ATP8B1: variants seen among roughly 807,000 people sequenced by gnomAD.
The protein encoded by ATP8B1 is ATPase phospholipid transporting 8B1.
Under a neutral mutation model 149.9 loss-of-function variants are expected in ATP8B1, and 80 were observed. That is an observed-to-expected ratio of 0.53 (90% CI 0.45 to 0.64). The LOEUF is 0.64. Among genes scored for constraint, ATP8B1 ranks in the 30% least tolerant of loss-of-function variants. The pLI is 0.00. For missense variants in ATP8B1, 1,247 were observed against 1,552.6 expected, an observed-to-expected ratio of 0.80 and a Z score of 3.31; for synonymous variants, 536 against 562.8, an observed-to-expected ratio of 0.95 and a Z score of 0.67.
intron 1 of ATP8B1, chr18:57,734,038 C>CA (rs1433390570): frequency 6.6e-6 from 1 of 152,100 alleles, no homozygotes; most frequent in Non-Finnish European, 1.5e-5. Flanking sequence ...TAATGTGCAA[C>CA]AATCTAGATG....
rs1324213730 is a variant in ATP8B1, at chr18:57,652,035, T to C, written c.3399A>G (p.Thr1133=). The C allele has an allele frequency of 6.2e-7, 1 of 1,613,300 alleles. No individual in the cohort carries two copies. Among genetic ancestry groups the C allele is most frequent in the Non-Finnish European group, 8.5e-7 (1 of 1,179,822 alleles). ...TTTTTGGAATTTGGAAATACCAACCTGTAAATTGAAATGCAGATGGAAAGA... is the reference window on the plus strand; with the variant it reads ...TTTTTGGAATTTGGAAATACCAACCCGTAAATTGAAATGCAGATGGAAAGA... ...HVLFPSAFQF[T]GTASNALRQP... is the part of the protein sequence containing the mutation. Residue 1133 remains threonine, a splice_region_variant and synonymous_variant, in exon 26 of 28, where the codon ACA becomes ACG. Coordinates refer to ENST00000648908, the MANE Select transcript of ATP8B1 (RefSeq NM_001374385.1).
rs1051696001 is a variant in ATP8B1, at chr18:57,647,666, C to T, written c.*822G>A. The T allele has an allele frequency of 3.9e-5, 6 of 152,530 alleles. No homozygotes were observed. Among genetic ancestry groups the T allele is most frequent in the African/African-American group, 1.2e-4 (5 of 41,390 alleles). The allele number at this position is 152,530 out of a possible 1,614,324, so 9.4% of individuals were successfully genotyped here. A position where few individuals can be genotyped will look rare whatever the true frequency, so the allele number is the denominator to read the frequency against. On this transcript the variant is annotated 3_prime_UTR_variant, in exon 28 of 28. Transcript: ENST00000648908. The stretch of plus-strand genomic sequence containing the variant: ...ACAACATGCTTTGTAATTCTATTGC[C>T]CTGGATTGAGACTGGATTAAAACGT...
chr18:57,689,362 A>G (rs1466291704), intron 12 of ATP8B1, among the ~76,000 whole-genome samples: 2 of 152,196 alleles, frequency 1.3e-5, no homozygotes, highest in Non-Finnish European at 2.9e-5. Flanking sequence ...TCCCTAAATT[A>G]TGATAAGGTT....
chr18:57,717,464 C>T (rs1176254112), intron 2 of ATP8B1, among the ~76,000 whole-genome samples: 3 of 132,880 alleles, frequency 2.3e-5, no homozygotes, highest in African/African-American at 8.4e-5. Flanking sequence ...AGGAGAATGG[C>T]ATGAACCCGG....
intron 1 of ATP8B1, among the ~76,000 whole-genome samples, chr18:57,775,605 C>A (rs540701079): frequency 6.6e-6 from 1 of 150,504 alleles, no homozygotes; most frequent in South Asian, 2.1e-4. Context: ...GAGATTCTGT[C>A]AGGATTCTGT....
At chr18:57,698,110 T>C (rs1348680367) in intron 6 of ATP8B1, among the ~76,000 whole-genome samples, 1 of 152,146 alleles carries the variant, frequency 6.6e-6, no homozygotes, top group African/African-American at 2.4e-5. Flanking sequence ...AGGAAGAGTT[T>C]ATGGGGGCCA....
At position 57,648,454 on chromosome 18, in the gene ATP8B1, C is replaced by G. The variant is rs961451242; in HGVS notation, c.*34G>C. On this transcript the variant is annotated 3_prime_UTR_variant, in exon 28 of 28. Coordinates refer to ENST00000648908, the MANE Select transcript of ATP8B1 (RefSeq NM_001374385.1). ...AGTCTTTCATAAAAAAATAGACGTG[C>G]TTTGTGGCCGCATCCCAGCCTGGGG... 1 of 1,607,572 alleles carries G rather than the reference C, an allele frequency of 6.2e-7. No individual in the cohort carries two copies. Among genetic ancestry groups the G allele is most frequent in the Middle Eastern group, 2.3e-4 (1 of 4,428 alleles).
At chr18:57,674,664 G>A (rs182034570) in intron 16 of ATP8B1, among the ~76,000 whole-genome samples, 170 bp downstream of exon 16, 68 of 152,160 alleles carry the variant, frequency 4.5e-4, no homozygotes, top group Non-Finnish European at 9.3e-4. Flanking sequence ...GGGATTACAG[G>A]CGTGAGCCAC....
intron 1 of ATP8B1, among the ~76,000 whole-genome samples, chr18:57,756,224 C>T (rs1199497512): frequency 1.4e-4 from 15 of 109,548 alleles, no homozygotes; most frequent in African/African-American, 3.6e-4. Flanking sequence ...CACACACACA[C>T]ACACACACAC....
At chr18:57,753,541 G>A (rs2080043433) in intron 1 of ATP8B1, among the ~76,000 whole-genome samples, 1 of 152,190 alleles carries the variant, frequency 6.6e-6, no homozygotes, top group African/African-American at 2.4e-5. Flanking sequence ...GGCTCTGAAG[G>A]GAACACATGC....
At chr18:57,661,105 C>T in intron 22 of ATP8B1, 69 bp downstream of exon 22, 1 of 1,577,382 alleles carries the variant, frequency 6.3e-7, no homozygotes, top group South Asian at 1.1e-5. Flanking sequence ...AAAATCCACC[C>T]CCTACACATT....
At chr18:57,650,549 T>C (rs1909543610) in intron 26 of ATP8B1, 52 bp from the exon 27 acceptor site, 2 of 1,594,312 alleles carry the variant, frequency 1.3e-6, no homozygotes, top group Non-Finnish European at 1.7e-6. Flanking sequence ...CCTAAGAACA[T>C]AGTTAATATT....
intron 2 of ATP8B1, among the ~76,000 whole-genome samples, chr18:57,713,463 A>T (rs892004854): frequency 9.5e-5 from 14 of 147,814 alleles, no homozygotes; most frequent in African/African-American, 3.6e-4. Flanking sequence ...TGCCCAGCTA[A>T]TTTTTAAAAA....
At chr18:57,732,331 GTGTGTATATATA>G (rs1555651506) in intron 1 of ATP8B1, among the ~76,000 whole-genome samples, 8 of 12,782 alleles carry the variant, frequency 6.3e-4, no homozygotes, top group East Asian at 0.011. Flanking sequence ...GTGTATATAT[GTGTGTATATATA>G]TGTATATATG....
At position 57,773,827 on chromosome 18, in the gene ATP8B1, C is replaced by A. The variant is rs2571228; in HGVS notation, c.-26+29171G>T. On this transcript the variant is annotated intron_variant, in intron 1 of 27. Coordinates refer to ENST00000648908, the MANE Select transcript of ATP8B1 (RefSeq NM_001374385.1). ...CCTAGGCTCTGCCTTCCAAATGTTT[C>A]CAGAACCTAAAACCTCTCCTCACCT... is the stretch of plus-strand genomic sequence containing the variant. 9.8e-3 allele frequency among the ~76,000 whole-genome samples: 1,488 copies of A among 152,216 alleles called. 24 individuals carry two copies. The highest frequency in any genetic ancestry group is 0.034 in the African/African-American group (1,423 of 41,532).
intron 1 of ATP8B1, among the ~76,000 whole-genome samples, chr18:57,797,713 T>TTC (rs1568076517): frequency 1.4e-5 from 2 of 141,846 alleles, no homozygotes; most frequent in East Asian, 4.0e-4. Context: ...CTTTTTTTTT[T>TTC]TTTTTTTTTT....
At chr18:57,650,769 G>A (rs1180208548) in intron 26 of ATP8B1, among the ~76,000 whole-genome samples, 2 of 152,066 alleles carry the variant, frequency 1.3e-5, no homozygotes, top group African/African-American at 2.4e-5. Flanking sequence ...CCCGGAAGGC[G>A]GAAGTTGCAG....
chr18:57,749,802 C>G (rs1351588278), intron 1 of ATP8B1, among the ~76,000 whole-genome samples: 1 of 152,180 alleles, frequency 6.6e-6, no homozygotes, highest in Non-Finnish European at 1.5e-5. Context: ...TAAATCATGC[C>G]AGGGATAAAT....
intron 24 of ATP8B1, among the ~76,000 whole-genome samples, 167 bp downstream of exon 24, chr18:57,653,825 C>T (rs1015040246): frequency 6.6e-6 from 1 of 151,464 alleles, no homozygotes; most frequent in Non-Finnish European, 1.5e-5. Context: ...TTCCTTATTA[C>T]AAAACAAGAA....
Sources: allele counts gnomAD v4.1 joint callset (sites outside exome capture counted in the v4.1 genomes callset), GRCh38; gene constraint gnomAD v4.1.1; transcripts MANE v1.5; gene names NCBI Gene and HGNC (gene_info 2026-07-23, HGNC 2026-07-21).